TUNAR: variants seen among roughly 807,000 people sequenced by gnomAD.
TUNAR encodes the protein protein TUNAR.
At position 95,918,453 on chromosome 14, in the gene TUNAR, A is replaced by G. The variant is rs755491740; in HGVS notation, c.13-4328A>G. Among the ~76,000 whole-genome samples the G allele has an allele frequency of 3.9e-5, 6 of 152,216 alleles. No homozygotes were observed. In the East Asian group the frequency reaches 9.6e-4, roughly 24 times the overall value. On this transcript the variant is annotated intron_variant, in intron 2 of 2. Coordinates refer to ENST00000678517, the Ensembl canonical transcript of TUNAR. ...CAGACAACTTTTTCCAAAGAAAACA[A>G]TATTCTAACTTCTCCATTTAAGGAA...
At chr14:95,888,603 T>G (rs1431891883) in intron 2 of TUNAR, among the ~76,000 whole-genome samples, 1 of 152,044 alleles carries the variant, frequency 6.6e-6, no homozygotes, top group Non-Finnish European at 1.5e-5. Flanking sequence ...TCTCCATCGC[T>G]CTGTGGACGC....
At chr14:95,890,817 A>G (rs2139656663) in intron 2 of TUNAR, among the ~76,000 whole-genome samples, 1 of 152,356 alleles carries the variant, frequency 6.6e-6, no homozygotes, top group African/African-American at 2.4e-5. Context: ...TTCATTAATC[A>G]AATTAATCAA....
At chr14:95,904,755 G>A (rs1187247832) in intron 2 of TUNAR, among the ~76,000 whole-genome samples, 3 of 152,218 alleles carry the variant, frequency 2.0e-5, no homozygotes, top group African/African-American at 7.2e-5. Flanking sequence ...AGGCAGGTAA[G>A]GTCTGCAGAG....
chr14:95,877,861 T>C (rs1186133581), intron 2 of TUNAR, among the ~76,000 whole-genome samples: 1 of 152,264 alleles, frequency 6.6e-6, no homozygotes, highest in Non-Finnish European at 1.5e-5. Context: ...ATGTGTACTC[T>C]ACTTTTTAGT....
intron 2 of TUNAR, among the ~76,000 whole-genome samples, chr14:95,885,456 G>A (rs1029676069): frequency 2.6e-5 from 4 of 152,164 alleles, no homozygotes; most frequent in East Asian, 1.9e-4. Context: ...GGGTTTGGCC[G>A]GGGGAGGGTG....
chr14:95,889,787 G>T (rs1001387936), intron 2 of TUNAR, among the ~76,000 whole-genome samples: 6 of 152,124 alleles, frequency 3.9e-5, no homozygotes, highest in African/African-American at 1.4e-4. Flanking sequence ...ACCTGCAGGG[G>T]TGGTGGCAGT....
chr14:95,924,119 C>G (rs148596387), exon 3 of TUNAR: 2 of 152,152 alleles, frequency 1.3e-5, no homozygotes, highest in Non-Finnish European at 2.9e-5. Flanking sequence ...GGGGAAAGCT[C>G]GGGATTAGGT....
chr14:95,918,023 T>G (rs970384474), intron 2 of TUNAR, among the ~76,000 whole-genome samples: 3 of 152,270 alleles, frequency 2.0e-5, no homozygotes, highest in African/African-American at 7.2e-5. Flanking sequence ...AGTGGATAAA[T>G]GAATGTATAA....
At chr14:95,904,999 C>T (rs951158092) in intron 2 of TUNAR, among the ~76,000 whole-genome samples, 1 of 152,292 alleles carries the variant, frequency 6.6e-6, no homozygotes, top group Non-Finnish European at 1.5e-5. Context: ...ACTCCTTAGC[C>T]TCTGTTCCCT....
intron 2 of TUNAR, among the ~76,000 whole-genome samples, chr14:95,902,742 C>T (rs941821680): frequency 6.6e-6 from 1 of 152,158 alleles, no homozygotes; most frequent in African/African-American, 2.4e-5. Flanking sequence ...TTGAACCTCT[C>T]AGCATGGACC....
At chr14:95,905,967 G>C (rs1176859990) in intron 2 of TUNAR, among the ~76,000 whole-genome samples, 1 of 151,972 alleles carries the variant, frequency 6.6e-6, no homozygotes, top group Non-Finnish European at 1.5e-5. Context: ...TTATTTTCTT[G>C]CTCAAATTAT....
intron 2 of TUNAR, among the ~76,000 whole-genome samples, chr14:95,877,681 C>A (rs1888910805): frequency 6.6e-6 from 1 of 152,146 alleles, no homozygotes; most frequent in African/African-American, 2.4e-5. Context: ...CAGACTGTTC[C>A]CTTTGTAACA....
chr14:95,913,264 AG>A (rs1344493410), intron 2 of TUNAR, among the ~76,000 whole-genome samples: 1 of 151,340 alleles, frequency 6.6e-6, no homozygotes, highest in African/African-American at 2.4e-5. Context: ...ATCATCATCT[AG>A]GTTTTAAGCC....
intron 2 of TUNAR, among the ~76,000 whole-genome samples, chr14:95,894,554 T>A (rs922191593): frequency 6.6e-6 from 1 of 152,264 alleles, no homozygotes; most frequent in Admixed American, 6.5e-5. Flanking sequence ...CAGTCCTGCT[T>A]GTCGAAACAC....
At chr14:95,910,145 T>C (rs1237915431) in intron 2 of TUNAR, among the ~76,000 whole-genome samples, 1 of 152,242 alleles carries the variant, frequency 6.6e-6, no homozygotes, top group Admixed American at 6.5e-5. Flanking sequence ...AGAGCTTCAC[T>C]AATTATTTAA....
intron 2 of TUNAR, among the ~76,000 whole-genome samples, chr14:95,881,671 G>A (rs889759140): frequency 1.3e-5 from 2 of 152,168 alleles, no homozygotes; most frequent in Admixed American, 6.5e-5. Context: ...AGATGCCGTC[G>A]TAGCTGATGT....
At chr14:95,890,020 G>T (rs1889149402) in intron 2 of TUNAR, among the ~76,000 whole-genome samples, 1 of 150,814 alleles carries the variant, frequency 6.6e-6, no homozygotes. Context: ...TTTCCCCAAG[G>T]GGTGGGGTCT....
At chr14:95,904,120 A>G (rs1889395398) in intron 2 of TUNAR, among the ~76,000 whole-genome samples, 1 of 152,186 alleles carries the variant, frequency 6.6e-6, no homozygotes. Flanking sequence ...CAGATCCTGG[A>G]GGGCCAAGTA....
intron 2 of TUNAR, among the ~76,000 whole-genome samples, chr14:95,897,986 T>C (rs1889291670): frequency 1.3e-5 from 2 of 152,172 alleles, no homozygotes. Context: ...CCTCTCAGGA[T>C]GCTCTCCCCT....
Sources: gnomAD v4.1 joint callset for allele counts (sites outside exome capture counted in the v4.1 genomes callset) on GRCh38, gnomAD v4.1.1 for gene constraint, MANE v1.5 for transcripts, NCBI Gene and HGNC (gene_info 2026-07-23, HGNC 2026-07-21) for gene names.